MAGI2: variants seen among roughly 807,000 people sequenced by gnomAD.
MAGI2 encodes membrane-associated guanylate kinase, WW and PDZ domain-containing protein 2.
In MAGI2, 35 loss-of-function variants were observed where a neutral mutation model predicts 133.3. The ratio of observed to expected loss-of-function variants is 0.26; its 90% CI spans 0.20 to 0.35. The LOEUF (loss-of-function observed/expected upper bound fraction) is 0.35, where lower values mean the gene tolerates loss of function less well. Ranked by LOEUF, MAGI2 falls within the 10% of genes least tolerant of loss-of-function variation. MAGI2 has a pLI of 1.00. For synonymous variants in MAGI2, 729 were observed against 710.6 expected, an observed-to-expected ratio of 1.03 and a Z score of -0.41; for missense variants, 1,636 against 1,863.4, an observed-to-expected ratio of 0.88 and a Z score of 2.25.
chr7:78,297,102 T>C (rs1451642532), intron 9 of MAGI2, among the ~76,000 whole-genome samples: 1 of 152,160 alleles, frequency 6.6e-6, no homozygotes. Flanking sequence ...CTATGTAAGG[T>C]GGTGGAGTAT....
intron 1 of MAGI2, among the ~76,000 whole-genome samples, chr7:79,122,483 G>A (rs567142470): frequency 1.0e-3 from 153 of 152,122 alleles, no homozygotes; most frequent in African/African-American, 3.5e-3. Context: ...AAGGAAATGA[G>A]TCATTACCCA....
intron 20 of MAGI2, among the ~76,000 whole-genome samples, chr7:78,090,978 G>C (rs920331826): frequency 2.0e-5 from 3 of 152,108 alleles, no homozygotes; most frequent in African/African-American, 7.2e-5. Flanking sequence ...CTTGAGAGCA[G>C]AGATTTGATT....
chr7:78,773,568 A>G (rs1825754278), intron 2 of MAGI2, among the ~76,000 whole-genome samples: 1 of 152,232 alleles, frequency 6.6e-6, no homozygotes, highest in African/African-American at 2.4e-5. Flanking sequence ...TCAGAAACTC[A>G]AAACAGGTAC....
intron 1 of MAGI2, among the ~76,000 whole-genome samples, chr7:79,112,719 C>T (rs1283238262): frequency 5.9e-5 from 9 of 152,044 alleles, no homozygotes; most frequent in Admixed American, 6.6e-5. Context: ...TACTTGTCAG[C>T]CCACAATTAA....
chr7:78,283,116 C>T (rs757407728), intron 9 of MAGI2, among the ~76,000 whole-genome samples: 7 of 152,068 alleles, frequency 4.6e-5, no homozygotes, highest in Admixed American at 3.3e-4. Flanking sequence ...TTCTGCCTCC[C>T]AAAGTGCTGG....
intron 2 of MAGI2, among the ~76,000 whole-genome samples, chr7:78,961,460 A>C (rs889072587): frequency 6.6e-6 from 1 of 152,176 alleles, no homozygotes; most frequent in South Asian, 2.1e-4. Context: ...CGTACCCTAA[A>C]CTAATCGCTG....
At chr7:78,680,575 T>C (rs1815538394) in intron 2 of MAGI2, among the ~76,000 whole-genome samples, 1 of 152,172 alleles carries the variant, frequency 6.6e-6, no homozygotes, top group African/African-American at 2.4e-5. Flanking sequence ...TCTTATCCAC[T>C]TCCTGCTTCT....
At chr7:79,334,875 C>T (rs1840328476) in intron 1 of MAGI2, among the ~76,000 whole-genome samples, 1 of 152,154 alleles carries the variant, frequency 6.6e-6, no homozygotes, top group South Asian at 2.1e-4. Context: ...AAGCATAATT[C>T]AATTACATAT....
chr7:79,187,667 A>T (rs1423220833), intron 1 of MAGI2, among the ~76,000 whole-genome samples: 1 of 151,912 alleles, frequency 6.6e-6, no homozygotes, highest in Non-Finnish European at 1.5e-5. Context: ...AATAGAAAAC[A>T]TCTCAATTTT....
intron 1 of MAGI2, among the ~76,000 whole-genome samples, chr7:79,055,050 T>A (rs1405729946): frequency 3.3e-5 from 5 of 152,346 alleles, no homozygotes; most frequent in Admixed American, 6.5e-5. Flanking sequence ...CACCTTGGCC[T>A]CCCAAAGTGC....
chr7:78,138,070 GCCAAA>G (rs2150548766), intron 16 of MAGI2, among the ~76,000 whole-genome samples: 1 of 152,356 alleles, frequency 6.6e-6, no homozygotes, highest in East Asian at 1.9e-4. Flanking sequence ...GGTCACATAT[GCCAAA>G]CAGGGCTTAG....
At chr7:79,449,576 C>T (rs1295283831) in intron 1 of MAGI2, among the ~76,000 whole-genome samples, 1 of 151,816 alleles carries the variant, frequency 6.6e-6, no homozygotes, top group Non-Finnish European at 1.5e-5. Context: ...CCATATAGAT[C>T]TCAACATCAC....
intron 7 of MAGI2, among the ~76,000 whole-genome samples, chr7:78,361,556 T>C (rs540485314): frequency 1.4e-4 from 22 of 152,218 alleles, no homozygotes; most frequent in Admixed American, 1.2e-3. Context: ...AAGAAAATAA[T>C]GTTTGAGAGT....
intron 2 of MAGI2, among the ~76,000 whole-genome samples, chr7:78,698,134 A>C (rs1395276980): frequency 6.6e-6 from 1 of 152,334 alleles, no homozygotes; most frequent in African/African-American, 2.4e-5. Flanking sequence ...TTTCCACTAC[A>C]GTGAAGTTAC....
intron 16 of MAGI2, chr7:78,159,773 T>C (rs1358631410): frequency 9.2e-6 from 3 of 326,802 alleles, no homozygotes; most frequent in African/African-American, 6.4e-5. Context: ...AATTTACAAA[T>C]GAATGAAGAG....
chr7:78,433,287 G>C (rs889556577), intron 6 of MAGI2, among the ~76,000 whole-genome samples: 1 of 152,138 alleles, frequency 6.6e-6, no homozygotes, highest in Admixed American at 6.6e-5. Flanking sequence ...TGGGGGAAAT[G>C]AGTGGCTATT....
intron 1 of MAGI2, among the ~76,000 whole-genome samples, chr7:79,171,782 T>C (rs1353400032): frequency 3.1e-5 from 2 of 64,856 alleles, no homozygotes; most frequent in South Asian, 3.9e-4. Context: ...TTTTTTTTTT[T>C]TTTTCTTTTA....
At chr7:78,255,861 G>T in intron 10 of MAGI2, 82 bp downstream of exon 10, 1 of 1,368,208 alleles carries the variant, frequency 7.3e-7, no homozygotes, top group Non-Finnish European at 1.0e-6. Flanking sequence ...CAACTCCAAG[G>T]AAATCTGCAT....
intron 2 of MAGI2, among the ~76,000 whole-genome samples, chr7:78,637,848 C>T (rs945914598): frequency 1.3e-5 from 2 of 151,838 alleles, no homozygotes; most frequent in African/African-American, 4.8e-5. Flanking sequence ...CATCTGTAAC[C>T]CCAGCACTTT....
Sources: gnomAD v4.1 joint callset for allele counts (sites outside exome capture counted in the v4.1 genomes callset) on GRCh38, gnomAD v4.1.1 for gene constraint, MANE v1.5 for transcripts, NCBI Gene and HGNC (gene_info 2026-07-23, HGNC 2026-07-21) for gene names.